Variants in CACNA1C observed in about 807,000 individuals in gnomAD.
CACNA1C encodes the protein voltage-dependent L-type calcium channel subunit alpha-1C.
A neutral mutation model predicts 229.0 loss-of-function variants in CACNA1C; 30 were observed. The observed-to-expected ratio is 0.13, with a 90% CI of 0.10 to 0.18. The LOEUF (loss-of-function observed/expected upper bound fraction) is 0.18. Among genes scored for constraint, CACNA1C ranks in the 10% least tolerant of loss-of-function variants. The probability of loss-of-function intolerance (pLI) is 1.00; values close to 1 mark genes in which losing one functional copy is unlikely to be tolerated. For missense variants in CACNA1C, 1,658 were observed against 2,845.0 expected, an observed-to-expected ratio of 0.58 and a Z score of 9.49; for synonymous variants, 1,114 against 1,132.5, an observed-to-expected ratio of 0.98 and a Z score of 0.33.
rs781275687 is a variant in CACNA1C at position 2,115,234 on chromosome 12, T to G, written c.60T>G (p.Tyr20Ter). ...IPEENHQGSN[Y>*]GSPRPAHANM... Reference sequence around the variant, plus strand: ...TCTCTTTTGCCACAGGTTCCAACTATGGGAGCCCACGCCCCGCCCATGCCA... The same window carrying G: ...TCTCTTTTGCCACAGGTTCCAACTAGGGGAGCCCACGCCCCGCCCATGCCA... Residue 20 changes from tyrosine to a stop codon, truncating the protein, a stop_gained, in exon 2 of 47, where the codon TAT becomes TAG. Transcript: ENST00000399655. LOFTEE classifies it high-confidence loss of function. 3.4e-5 allele frequency: 54 copies of G among 1,569,234 alleles called. No individual in the cohort carries two copies. The highest frequency in any genetic ancestry group is 4.7e-5 in the Non-Finnish European group (54 of 1,156,434).
At chr12:2,086,135 G>C (rs1436379078) in intron 1 of CACNA1C, among the ~76,000 whole-genome samples, 3 of 152,120 alleles carry the variant, frequency 2.0e-5, no homozygotes, top group Non-Finnish European at 4.4e-5. Context: ...CTGTTTGTCT[G>C]CCTCTCCCAC....
rs1460590154 is a variant in CACNA1C, at chr12:2,145,657, C to T, written c.477+25227C>T. 2.6e-5 allele frequency among the ~76,000 whole-genome samples: 4 copies of T among 151,214 alleles called. 1 individual carries two copies. Among genetic ancestry groups the T allele is most frequent in the East Asian group, 3.8e-4 (2 of 5,196 alleles). On this transcript the variant is annotated intron_variant, in intron 3 of 46. Transcript: ENST00000399655. ...TCTGTGAGAGAGGGTATGGTACCTGCGGGCTTAAGTAGTCCGTGGGCTTGT... is the reference window on the plus strand; with the variant it reads ...TCTGTGAGAGAGGGTATGGTACCTGTGGGCTTAAGTAGTCCGTGGGCTTGT...
chr12:2,221,194 G>A (rs1034788861), intron 3 of CACNA1C, among the ~76,000 whole-genome samples: 7 of 152,244 alleles, frequency 4.6e-5, no homozygotes, highest in Non-Finnish European at 1.0e-4. Context: ...GACCAGGCGG[G>A]TGCAGGTGAA....
chr12:2,585,855 G>A lies in CACNA1C; in HGVS notation c.2481G>A (p.Gln827=), dbSNP rs2153232494. The change falls in exon 18 of 47, where the codon CAG becomes CAA. Residue 827 remains glutamine, a synonymous_variant. Transcript: ENST00000399655. The surrounding 1 kb of genome is among the most constrained non-coding windows in gnomAD (Gnocchi z 4.1). Reference sequence around the variant, plus strand: ...TCTAGATCAACATGGATGACCTCCAGCCCAATGAAAATGAGGATAAGAGCC... The same window carrying A: ...TCTAGATCAACATGGATGACCTCCAACCCAATGAAAATGAGGATAAGAGCC... ...PATKINMDDL[Q]PNENEDKSPY... is the part of the protein sequence containing the mutation. The A allele has an allele frequency of 6.2e-7, 1 of 1,609,424 alleles. No homozygotes were observed. The highest frequency in any genetic ancestry group is 8.5e-7 in the Non-Finnish European group (1 of 1,177,648).
intron 3 of CACNA1C, among the ~76,000 whole-genome samples, chr12:2,325,920 G>T (rs753278342): frequency 6.6e-6 from 1 of 152,224 alleles, no homozygotes; most frequent in Non-Finnish European, 1.5e-5. Context: ...GCTACTGTGT[G>T]TGCGAGCTCA....
At position 2,647,369 on chromosome 12, in the gene CACNA1C, A is replaced by T. The variant is rs1035722772; in HGVS notation, c.3913-1106A>T. Reference sequence around the variant, plus strand: ...ACTCGGGGAGAGGGCTGGCCCTGGGATACTCACCAGAGGCCAGTTTCCTCA... The same window carrying T: ...ACTCGGGGAGAGGGCTGGCCCTGGGTTACTCACCAGAGGCCAGTTTCCTCA... On this transcript the variant is annotated intron_variant, in intron 30 of 46. Transcript: ENST00000399655. The surrounding 1 kb of genome is among the most constrained non-coding windows in gnomAD (Gnocchi z 4.2). Among the ~76,000 whole-genome samples the T allele has an allele frequency of 3.3e-5, 5 of 152,134 alleles. No individual in the cohort carries two copies. The highest frequency in any genetic ancestry group is 4.8e-5 in the African/African-American group (2 of 41,426).
chr12:2,585,307 T>A lies in CACNA1C; in HGVS notation c.2340-69T>A. 6.6e-7 allele frequency: 1 copy of A among 1,512,134 alleles called. No individual in the cohort carries two copies. The highest frequency in any genetic ancestry group is 8.9e-7 in the Non-Finnish European group (1 of 1,124,002). 93.7% of individuals were successfully genotyped at this position (1,512,134 alleles called of 1,614,324 possible). A position where few individuals can be genotyped will look rare whatever the true frequency, so the allele number is the denominator to read the frequency against. On this transcript the variant is annotated intron_variant, in intron 16 of 46. Transcript: ENST00000399655. This position sits in a 1 kb window ranked among gnomAD's most constrained non-coding sequence, Gnocchi z 4.1. ...TGGCCCCAACAGGCCACAGGGCGGT[T>A]CCCTCCTACACTGTTCCCTATCACT...
chr12:2,238,259 G>A lies in CACNA1C; in HGVS notation c.477+117829G>A, dbSNP rs552744289. Among the ~76,000 whole-genome samples, 3 of 152,302 alleles carry A rather than the reference G, an allele frequency of 2.0e-5. No homozygotes were observed. The South Asian group carries it at 6.2e-4, about 32-fold the overall frequency. ...GTATCTCCTGTGATGGAGTGACGAG[G>A]TAACTAGGTGACTTTGGCATGACCT... On this transcript the variant is annotated intron_variant, in intron 3 of 46. Transcript: ENST00000399655.
intron 3 of CACNA1C, among the ~76,000 whole-genome samples, chr12:2,326,405 C>T (rs2096294266): frequency 6.6e-6 from 1 of 152,214 alleles, no homozygotes; most frequent in African/African-American, 2.4e-5. Flanking sequence ...TTAACCAGCT[C>T]TTCTAGCAAT....
intron 3 of CACNA1C, among the ~76,000 whole-genome samples, chr12:2,374,748 A>G (rs1294158608): frequency 2.0e-5 from 3 of 152,234 alleles, no homozygotes; most frequent in Non-Finnish European, 2.9e-5. Context: ...GGGATGACAC[A>G]TTAGCATTAG....
Position 2,410,738 on chromosome 12 carries a change from A to G in CACNA1C, c.478-38238A>G, listed in dbSNP as rs1047821698. 6.9e-6 allele frequency among the ~76,000 whole-genome samples: 1 copy of G among 145,190 alleles called. No homozygotes were observed. The highest frequency in any genetic ancestry group is 1.5e-5 in the Non-Finnish European group (1 of 66,956). On this transcript the variant is annotated intron_variant, in intron 3 of 46. Transcript: ENST00000399655. This position sits in a 1 kb window ranked among gnomAD's most constrained non-coding sequence, Gnocchi z 5.3. ...TGCGTGCACGCATGTGTGTGTGTGC[A>G]TGCGTGTGTGTATTCCAGGAGCTGA...
intron 3 of CACNA1C, among the ~76,000 whole-genome samples, chr12:2,418,734 C>T (rs1350201127): frequency 6.6e-6 from 1 of 152,162 alleles, no homozygotes; most frequent in Non-Finnish European, 1.5e-5. Flanking sequence ...GGAGCTGACA[C>T]CCCTGGACAA....
In CACNA1C at chr12:2,499,858, G is replaced by A. The variant is rs113346259; in HGVS notation, c.1114-4984G>A. ...TTGTCTTCTTAATAGCTCCATTTCAGCTGCTTTAGGACATCAATCTCATGA... is the reference window on the plus strand; with the variant it reads ...TTGTCTTCTTAATAGCTCCATTTCAACTGCTTTAGGACATCAATCTCATGA... On this transcript the variant is annotated intron_variant, in intron 7 of 46. Transcript: ENST00000399655. Among the ~76,000 whole-genome samples, 739 of 151,956 alleles carry A rather than the reference G, an allele frequency of 4.9e-3. 8 individuals are homozygous for A. The highest frequency in any genetic ancestry group is 0.017 in the African/African-American group (708 of 41,414).
chr12:2,347,983 C>A (rs2097096073), intron 3 of CACNA1C, among the ~76,000 whole-genome samples: 1 of 152,242 alleles, frequency 6.6e-6, no homozygotes, highest in East Asian at 1.9e-4. Flanking sequence ...TCTCACCGGA[C>A]TGTTGGAAAC....
At chr12:2,435,964 G>A (rs1188430334) in intron 3 of CACNA1C, among the ~76,000 whole-genome samples, 3 of 152,214 alleles carry the variant, frequency 2.0e-5, no homozygotes, top group Non-Finnish European at 2.9e-5. Flanking sequence ...CGAGAGGCTG[G>A]GCAAGCCAAA....
intron 3 of CACNA1C, among the ~76,000 whole-genome samples, chr12:2,237,151 C>A (rs941258012): frequency 6.6e-6 from 1 of 152,172 alleles, no homozygotes; most frequent in African/African-American, 2.4e-5. Flanking sequence ...TCACATGGTG[C>A]CCTTGGGGGG....
intron 3 of CACNA1C, among the ~76,000 whole-genome samples, chr12:2,232,227 G>GTTTTTTTTTTTTTCTT (rs2065460487): frequency 1.4e-5 from 1 of 73,574 alleles, no homozygotes; most frequent in Non-Finnish European, 2.6e-5. Context: ...GTCTTTCCTT[G>GTTTTTTTTTTTTTCTT]TTTTTTTTTT....
intron 9 of CACNA1C, among the ~76,000 whole-genome samples, chr12:2,545,318 A>G: frequency 6.8e-6 from 1 of 146,488 alleles, no homozygotes; most frequent in East Asian, 2.1e-4. Context: ...GTTGACATTG[A>G]GTTATTCGGC....
intron 9 of CACNA1C, among the ~76,000 whole-genome samples, chr12:2,517,196 G>A (rs1216992776): frequency 1.3e-5 from 2 of 152,236 alleles, no homozygotes; most frequent in African/African-American, 4.8e-5. Context: ...GCCTTACCCT[G>A]TGCATCTCTC....
Sources: allele counts gnomAD v4.1 joint callset (sites outside exome capture counted in the v4.1 genomes callset), GRCh38; gene constraint gnomAD v4.1.1; non-coding constraint Gnocchi (gnomAD v3.1); transcripts MANE v1.5; gene names NCBI Gene and HGNC (gene_info 2026-07-23, HGNC 2026-07-21).